The following RUNDC3B variants were observed in gnomAD, a reference collection of about 807,000 sequenced individuals.
The protein encoded by RUNDC3B is RUN domain-containing protein 3B.
RUNDC3B carries 33 observed loss-of-function variants against 58.4 expected under a neutral mutation model. The observed-to-expected ratio is 0.56, with a 90% confidence interval of 0.43 to 0.75. The LOEUF (loss-of-function observed/expected upper bound fraction) is 0.75, where lower values mean the gene tolerates loss of function less well. RUNDC3B is among the 30% of genes least tolerant of loss of function. RUNDC3B has a pLI of 0.00. For synonymous variants in RUNDC3B, 193 were observed against 195.2 expected, an observed-to-expected ratio of 0.99 and a Z score of 0.10; for missense variants, 501 against 535.7, an observed-to-expected ratio of 0.94 and a Z score of 0.64.
At chr7:87,819,527 C>T (rs1354287447) in intron 10 of RUNDC3B, among the ~76,000 whole-genome samples, 7 of 152,110 alleles carry the variant, frequency 4.6e-5, no homozygotes, top group East Asian at 1.9e-4. Context: ...CAGCTCTGCA[C>T]CAAGCAGACC....
chr7:87,788,444 A>G (rs780555327), intron 8 of RUNDC3B, among the ~76,000 whole-genome samples: 1 of 152,186 alleles, frequency 6.6e-6, no homozygotes, highest in Non-Finnish European at 1.5e-5. Context: ...ATCTTCTACT[A>G]TTATGATTAG....
At chr7:87,828,667 T>C (rs1837970387) in intron 10 of RUNDC3B, among the ~76,000 whole-genome samples, 1 of 152,202 alleles carries the variant, frequency 6.6e-6, no homozygotes, top group Non-Finnish European at 1.5e-5. Context: ...CCATTGTGAA[T>C]AGTGCTATGA....
chr7:87,750,115 G>A (rs973896324), intron 6 of RUNDC3B, among the ~76,000 whole-genome samples: 7 of 151,934 alleles, frequency 4.6e-5, no homozygotes, highest in African/African-American at 1.7e-4. Flanking sequence ...ACCTATGAGT[G>A]AGAATATGTG....
At chr7:87,801,389 C>T (rs1033543958) in intron 8 of RUNDC3B, among the ~76,000 whole-genome samples, 2 of 152,162 alleles carry the variant, frequency 1.3e-5, no homozygotes, top group Non-Finnish European at 1.5e-5. Flanking sequence ...TGAAGCAAAT[C>T]GTTTTTCTGG....
chr7:87,629,849 C>A (rs1821021538), intron 1 of RUNDC3B, among the ~76,000 whole-genome samples: 1 of 151,314 alleles, frequency 6.6e-6, no homozygotes, highest in South Asian at 2.1e-4. Context: ...TCGATTGAAC[C>A]TGGGAGGCGG....
intron 4 of RUNDC3B, among the ~76,000 whole-genome samples, chr7:87,733,715 AG>A (rs1831741202): frequency 6.6e-6 from 1 of 152,158 alleles, no homozygotes; most frequent in Non-Finnish European, 1.5e-5. Context: ...CATGCAACCT[AG>A]ATCTTTAACA....
rs1584941062 is a variant in RUNDC3B, at chr7:87,628,915, T to C, written c.92T>C (p.Val31Ala). The C allele has an allele frequency of 7.6e-7, 1 of 1,309,240 alleles. No homozygotes were observed. The highest frequency in any genetic ancestry group is 9.8e-7 in the Non-Finnish European group (1 of 1,020,622). The allele number at this position is 1,309,240 out of a possible 1,614,324, so 81.1% of individuals were successfully genotyped here. The change falls in exon 1 of 11, where the codon GTG (valine) becomes GCG (alanine). Residue 31 changes from valine (V) to alanine (A), a missense_variant. Val to Ala is a moderately conservative substitution (Grantham distance 64). Coordinates refer to ENST00000394654, the MANE Select transcript of RUNDC3B (RefSeq NM_001134405.2). ...AGCCTGAGCGCCCGCAATGCTGCGG[T>C]GGAGAGGAGGAACCTGATCACCGTG... is the stretch of plus-strand genomic sequence containing the variant. Reference protein sequence around the residue: ...KKSLSARNAAVERRNLITVCR... With the variant: ...KKSLSARNAAAERRNLITVCR...
intron 1 of RUNDC3B, among the ~76,000 whole-genome samples, chr7:87,633,657 T>C (rs964088216): frequency 2.0e-5 from 3 of 152,266 alleles, no homozygotes; most frequent in Non-Finnish European, 4.4e-5. Flanking sequence ...ACTAAACTTA[T>C]CAGGTGTTTA....
Position 87,777,795 on chromosome 7 carries a change from C to T in RUNDC3B, c.799-3C>T, listed in dbSNP as rs1160505528. On this transcript the variant is annotated splice_polypyrimidine_tract_variant and splice_region_variant and intron_variant, in intron 7 of 10. Coordinates refer to ENST00000394654, the MANE Select transcript of RUNDC3B (RefSeq NM_001134405.2). ...CTATATCTTGATGATACTGGATTTCCAGGGTTACCTTGAAGAACTCTTACG... is the reference window on the plus strand; with the variant it reads ...CTATATCTTGATGATACTGGATTTCTAGGGTTACCTTGAAGAACTCTTACG... 1 of 1,612,662 alleles carries T rather than the reference C, an allele frequency of 6.2e-7. No individual in the cohort carries two copies. The highest frequency in any genetic ancestry group is 8.5e-7 in the Non-Finnish European group (1 of 1,179,354).
At chr7:87,644,852 GAA>G (rs1286653084) in intron 1 of RUNDC3B, among the ~76,000 whole-genome samples, 1 of 151,634 alleles carries the variant, frequency 6.6e-6, no homozygotes, top group Non-Finnish European at 1.5e-5. Flanking sequence ...AGACATTAAA[GAA>G]AATTATTTTT....
chr7:87,779,918 A>G (rs1385460842), intron 8 of RUNDC3B, among the ~76,000 whole-genome samples: 1 of 152,144 alleles, frequency 6.6e-6, no homozygotes, highest in Non-Finnish European at 1.5e-5. Flanking sequence ...TTCACTTAGG[A>G]TAATGGCCTC....
In RUNDC3B at chr7:87,721,601, C is replaced by A. The variant is rs189194441; in HGVS notation, c.458+10946C>A. ...GGACTATATACCTTCAAGCTCAAAA[C>A]AAACACACTTTTAAACAAATATTAA... On this transcript the variant is annotated intron_variant, in intron 4 of 10. Transcript: ENST00000394654. 2.4e-3 allele frequency among the ~76,000 whole-genome samples: 367 copies of A among 152,242 alleles called. 3 individuals are homozygous for A. The highest frequency in any genetic ancestry group is 3.1e-3 in the Non-Finnish European group (214 of 67,984).
intron 2 of RUNDC3B, chr7:87,659,318 G>C (rs1237179737): frequency 3.2e-6 from 1 of 308,774 alleles, no homozygotes; most frequent in East Asian, 1.1e-4. Flanking sequence ...TGTCTTCTAG[G>C]GGGCTGTTTG....
At chr7:87,651,063 T>A in intron 2 of RUNDC3B, 126 bp downstream of exon 2, 1 of 615,878 alleles carries the variant, frequency 1.6e-6, no homozygotes. Flanking sequence ...TGTCAAATCT[T>A]TTGGCCTGTG....
intron 9 of RUNDC3B, among the ~76,000 whole-genome samples, chr7:87,812,002 T>G (rs1309517935): frequency 6.6e-6 from 1 of 152,226 alleles, no homozygotes; most frequent in Non-Finnish European, 1.5e-5. Context: ...AATGCTCATC[T>G]CCTTCTATGT....
chr7:87,767,067 G>C (rs926079693), intron 6 of RUNDC3B, among the ~76,000 whole-genome samples: 1 of 151,870 alleles, frequency 6.6e-6, no homozygotes, highest in Non-Finnish European at 1.5e-5. Flanking sequence ...TTCCTTCAGC[G>C]AATTTTTCAT....
intron 8 of RUNDC3B, among the ~76,000 whole-genome samples, chr7:87,782,686 G>T (rs1835000271): frequency 2.0e-5 from 3 of 151,992 alleles, no homozygotes. Context: ...TTATTTTAAA[G>T]AATTTTTAAA....
chr7:87,811,728 T>A (rs1307659015), intron 9 of RUNDC3B, among the ~76,000 whole-genome samples: 1 of 152,178 alleles, frequency 6.6e-6, no homozygotes, highest in Admixed American at 6.5e-5. Flanking sequence ...ATTTTTGGAG[T>A]AGGAGACCCT....
At chr7:87,654,142 T>G (rs1823847428) in intron 2 of RUNDC3B, among the ~76,000 whole-genome samples, 1 of 152,036 alleles carries the variant, frequency 6.6e-6, no homozygotes, top group African/African-American at 2.4e-5. Context: ...GTTAAAATGT[T>G]TATATTAACA....
Sources: gnomAD v4.1 joint callset for allele counts (sites outside exome capture counted in the v4.1 genomes callset) on GRCh38, gnomAD v4.1.1 for gene constraint, MANE v1.5 for transcripts, NCBI Gene and HGNC (gene_info 2026-07-23, HGNC 2026-07-21) for gene names.